GPC5: variants seen among roughly 807,000 people sequenced by gnomAD.
GPC5 encodes glypican 5, also known as glypican-5.
Under a neutral mutation model 53.9 loss-of-function variants are expected in GPC5, and 47 were observed. The observed-to-expected ratio is 0.87, with a 90% confidence interval of 0.69 to 1.11. The LOEUF is 1.11. Ranked by LOEUF, GPC5 falls within the 50% of genes most tolerant of loss-of-function variation. GPC5 has a pLI of 0.00. For synonymous variants in GPC5, 286 were observed against 263.3 expected (o/e 1.09, Z -0.84); for missense variants, 748 against 713.1 (o/e 1.05, Z -0.56).
At position 92,234,538 on chromosome 13, in the gene GPC5, A is replaced by G. The variant is rs982888930; in HGVS notation, c.1561+89549A>G. Among the ~76,000 whole-genome samples the G allele has an allele frequency of 3.3e-5, 5 of 152,206 alleles. No homozygotes were observed. The East Asian group carries it at 5.8e-4, about 18-fold the overall frequency. ...TTATATCTTTTAGAGAGAGACACCA[A>G]CAATTCTTGAATAAATGAAAGACAA... On this transcript the variant is annotated intron_variant, in intron 7 of 7. Coordinates refer to ENST00000377067, the MANE Select transcript of GPC5 (RefSeq NM_004466.6).
intron 3 of GPC5, among the ~76,000 whole-genome samples, chr13:91,715,875 G>A (rs1251316642): frequency 6.6e-6 from 1 of 151,302 alleles, no homozygotes; most frequent in East Asian, 2.0e-4. Flanking sequence ...CTAGGCTCAA[G>A]CGATCCTCCC....
chr13:92,564,836 T>G (rs1344704334), intron 7 of GPC5, among the ~76,000 whole-genome samples: 1 of 152,128 alleles, frequency 6.6e-6, no homozygotes, highest in Non-Finnish European at 1.5e-5. Flanking sequence ...AACACCATTA[T>G]TTTGAGGCTA....
At chr13:92,646,929 C>CGTGTGTGTGTGTGTGTGTGTGTGTGT (rs372426651) in intron 7 of GPC5, among the ~76,000 whole-genome samples, 1 of 135,096 alleles carries the variant, frequency 7.4e-6, no homozygotes, top group Non-Finnish European at 1.6e-5. Flanking sequence ...TATATATAAA[C>CGTGTGTGTGTGTGTGTGTGTGTGTGT]ATGTGTGTGT....
intron 4 of GPC5, among the ~76,000 whole-genome samples, chr13:91,750,904 C>T (rs1467718745): frequency 6.6e-6 from 1 of 151,976 alleles, no homozygotes. Context: ...TCAGGTGATT[C>T]GCCCACATTG....
At chr13:92,181,617 G>A (rs954435391) in intron 7 of GPC5, among the ~76,000 whole-genome samples, 1 of 152,162 alleles carries the variant, frequency 6.6e-6, no homozygotes, top group Non-Finnish European at 1.5e-5. Flanking sequence ...TTTAAAGTTA[G>A]AAGATTTTTT....
At chr13:92,582,206 C>T (rs976501815) in intron 7 of GPC5, among the ~76,000 whole-genome samples, 6 of 151,934 alleles carry the variant, frequency 3.9e-5, no homozygotes, top group African/African-American at 1.5e-4. Context: ...TAATCCATTT[C>T]GAGTTGACTT....
At chr13:92,240,952 T>C (rs2042607703) in intron 7 of GPC5, 1 of 152,210 alleles carries the variant, frequency 6.6e-6, no homozygotes, top group Non-Finnish European at 1.5e-5. Flanking sequence ...GGAATACCTA[T>C]AGCTAGAGGG....
chr13:92,768,425 C>A (rs1170838872), intron 7 of GPC5, among the ~76,000 whole-genome samples: 4 of 152,198 alleles, frequency 2.6e-5, no homozygotes, highest in African/African-American at 4.8e-5. Context: ...CCATGCATGT[C>A]ATTTTTGCCT....
At chr13:92,224,778 G>A (rs962268017) in intron 7 of GPC5, among the ~76,000 whole-genome samples, 1 of 152,202 alleles carries the variant, frequency 6.6e-6, no homozygotes, top group Non-Finnish European at 1.5e-5. Flanking sequence ...AGTGCTGGAG[G>A]AATTAGCACA....
At chr13:91,510,911 T>C (rs1321003399) in intron 2 of GPC5, among the ~76,000 whole-genome samples, 1 of 152,198 alleles carries the variant, frequency 6.6e-6, no homozygotes, top group Non-Finnish European at 1.5e-5. Context: ...ATGAGGCTTA[T>C]CTTATTCATT....
At chr13:91,981,365 C>T (rs904433578) in intron 6 of GPC5, among the ~76,000 whole-genome samples, 1 of 151,606 alleles carries the variant, frequency 6.6e-6, no homozygotes, top group African/African-American at 2.4e-5. Context: ...TCTCGGCTCA[C>T]TGCAAGCTCC....
At chr13:92,052,682 T>G (rs2041040290) in intron 6 of GPC5, among the ~76,000 whole-genome samples, 2 of 152,156 alleles carry the variant, frequency 1.3e-5, no homozygotes, top group South Asian at 4.1e-4. Flanking sequence ...TTTTATAATC[T>G]TCCAGCTAGA....
At chr13:92,764,439 G>A (rs1050477570) in intron 7 of GPC5, among the ~76,000 whole-genome samples, 7 of 152,184 alleles carry the variant, frequency 4.6e-5, no homozygotes, top group African/African-American at 1.7e-4. Context: ...CTCTTAGGAG[G>A]AACACAGCCA....
At chr13:92,698,329 A>G (rs1887624187) in intron 7 of GPC5, among the ~76,000 whole-genome samples, 2 of 150,970 alleles carry the variant, frequency 1.3e-5, no homozygotes, top group South Asian at 4.2e-4. Flanking sequence ...TCCCCACCCC[A>G]CAACAGGCAC....
chr13:91,588,512 T>C (rs1465523363), intron 2 of GPC5, among the ~76,000 whole-genome samples: 1 of 152,078 alleles, frequency 6.6e-6, no homozygotes, highest in Admixed American at 6.6e-5. Context: ...TCCTAAACAA[T>C]TTTTCCCCCT....
At chr13:91,739,093 T>G (rs2036874126) in intron 4 of GPC5, among the ~76,000 whole-genome samples, 1 of 151,612 alleles carries the variant, frequency 6.6e-6, no homozygotes, top group African/African-American at 2.4e-5. Context: ...GAATTGTACA[T>G]TGTTGCCAAT....
intron 7 of GPC5, among the ~76,000 whole-genome samples, chr13:92,519,710 T>C (rs1380631201): frequency 1.3e-5 from 2 of 151,690 alleles, no homozygotes; most frequent in Non-Finnish European, 2.9e-5. Flanking sequence ...AACAACACAA[T>C]TAAAAGAACT....
intron 2 of GPC5, among the ~76,000 whole-genome samples, chr13:91,589,015 A>C (rs2032700565): frequency 2.6e-5 from 4 of 152,120 alleles, no homozygotes; most frequent in Admixed American, 2.6e-4. Context: ...ATTTTCTCCC[A>C]TTATCTCTTC....
At chr13:91,810,354 T>A (rs1003041521) in intron 5 of GPC5, among the ~76,000 whole-genome samples, 4 of 151,996 alleles carry the variant, frequency 2.6e-5, no homozygotes, top group Non-Finnish European at 5.9e-5. Flanking sequence ...TTTTGCAGAT[T>A]AGGGCACAGT....
Sources: allele counts gnomAD v4.1 joint callset (sites outside exome capture counted in the v4.1 genomes callset), GRCh38; gene constraint gnomAD v4.1.1; transcripts MANE v1.5; gene names NCBI Gene and HGNC (gene_info 2026-07-23, HGNC 2026-07-21).